The following COPG1 variants were observed in gnomAD, a reference collection of about 807,000 sequenced individuals.
COPG1 encodes coat protein complex I subunit gamma 1.
A neutral mutation model predicts 102.8 loss-of-function variants in COPG1; 29 were observed. The ratio of observed to expected loss-of-function variants is 0.28; its 90% CI spans 0.21 to 0.38. COPG1 has a LOEUF of 0.38. COPG1 is among the 10% of genes least tolerant of loss of function. The pLI, the probability that COPG1 is intolerant of heterozygous loss-of-function variation, is 1.00. For synonymous variants in COPG1, 406 were observed against 421.6 expected (o/e 0.96, Z 0.45); for missense variants, 875 against 1,132.7 (o/e 0.77, Z 3.27).
At chr3:129,249,814 C>CT (rs1411667154) in intron 1 of COPG1, 68 bp downstream of exon 1, 1 of 1,507,504 alleles carries the variant, frequency 6.6e-7, no homozygotes, top group East Asian at 2.5e-5. Flanking sequence ...TTCTGGTTCT[C>CT]TGTCCTGACC....
At chr3:129,254,881 A>T (rs912542615) in intron 6 of COPG1, 104 bp from the exon 7 acceptor site, 64 of 1,191,764 alleles carry the variant, frequency 5.4e-5, no homozygotes, top group Non-Finnish European at 7.2e-5. Context: ...CACATGAGAA[A>T]CGCTTACTTC....
intron 10 of COPG1, among the ~76,000 whole-genome samples, chr3:129,259,604 A>C (rs1939884351): frequency 6.6e-6 from 1 of 152,168 alleles, no homozygotes; most frequent in African/African-American, 2.4e-5. Flanking sequence ...AATAAGCATT[A>C]AGAAAAATTT....
At chr3:129,272,958 C>G (rs1251287023) in intron 21 of COPG1, 54 bp downstream of exon 21, 1 of 999,676 alleles carries the variant, frequency 1.0e-6, no homozygotes, top group African/African-American at 1.6e-5. Flanking sequence ...CAAAGCAACT[C>G]CCTTCAGGAA....
intron 1 of COPG1, 117 bp downstream of exon 1, chr3:129,249,863 A>G (rs1451057336): frequency 3.6e-6 from 4 of 1,108,188 alleles, no homozygotes; most frequent in Non-Finnish European, 3.9e-6. Context: ...GGCTTGTGCC[A>G]GGGTCCACAG....
In COPG1 at chr3:129,258,735, C is replaced by T. The variant is rs559834172; in HGVS notation, c.871+875C>T. On this transcript the variant is annotated intron_variant, in intron 10 of 23. Coordinates refer to ENST00000314797, the MANE Select transcript of COPG1 (RefSeq NM_016128.4). ...CCTCCCAAAGTGCTGGGATTACAGGCGTGAGCCACTGCGCCCAGCCGTTGT... is the reference window on the plus strand; with the variant it reads ...CCTCCCAAAGTGCTGGGATTACAGGTGTGAGCCACTGCGCCCAGCCGTTGT... Among the ~76,000 whole-genome samples, 9 of 152,284 alleles carry T rather than the reference C, an allele frequency of 5.9e-5. No homozygotes were observed. The South Asian group carries it at 1.5e-3, about 25-fold the overall frequency.
intron 13 of COPG1, 141 bp from the exon 14 acceptor site, chr3:129,265,408 G>A: frequency 1.9e-6 from 2 of 1,027,786 alleles, no homozygotes; most frequent in Non-Finnish European, 1.4e-6. Context: ...TTGTTTGACA[G>A]GAAAGAGTGA....
intron 20 of COPG1, 47 bp downstream of exon 20, chr3:129,272,462 G>A: frequency 6.5e-7 from 1 of 1,530,982 alleles, no homozygotes; most frequent in South Asian, 1.2e-5. Context: ...GAGCTCATGG[G>A]GTCAGGAGGA....
Position 129,265,738 on chromosome 3 carries a change from T to C in COPG1, c.1414T>C (p.Tyr472His). The change falls in exon 14 of 24, where the codon TAC (tyrosine) becomes CAC (histidine). Residue 472 changes from tyrosine to histidine, a missense_variant. By Grantham distance (83) the Tyr-to-His change is moderately conservative. Coordinates refer to ENST00000314797, the MANE Select transcript of COPG1 (RefSeq NM_016128.4). ...EGPKTTNPSK[Y>H]IRFIYNRVVL... Reference sequence around the variant, plus strand: ...GCCCAAGACCACCAATCCCTCAAAGTACATCCGCTTCATCTATAACCGAGT... The same window carrying C: ...GCCCAAGACCACCAATCCCTCAAAGCACATCCGCTTCATCTATAACCGAGT... The C allele has an allele frequency of 6.2e-7, 1 of 1,614,076 alleles. No homozygotes were observed.
At chr3:129,268,141 G>T in intron 16 of COPG1, 101 bp downstream of exon 16, 1 of 1,010,514 alleles carries the variant, frequency 9.9e-7, no homozygotes, top group Non-Finnish European at 1.5e-6. Flanking sequence ...GCTCTTGGCT[G>T]GACTTGCCTG....
Position 129,267,955 on chromosome 3 carries a change from CAATG to C in COPG1, c.1566_1569del (p.Asn522LysfsTer2). The C allele has an allele frequency of 6.2e-7, 1 of 1,613,984 alleles. No homozygotes were observed. Among genetic ancestry groups the C allele is most frequent in the Non-Finnish European group, 8.5e-7 (1 of 1,179,948 alleles). Reference sequence around the variant, plus strand: ...GCTGCAGGTGTGTGATGGATGATGACAATGAAGTAAGGGACCGAGCCACCTTCTA... The same window carrying C: ...GCTGCAGGTGTGTGATGGATGATGACAAGTAAGGGACCGAGCCACCTTCTA... On this transcript the variant is annotated frameshift_variant, in exon 16 of 24. Transcript: ENST00000314797. LOFTEE classifies it high-confidence loss of function.
chr3:129,267,204 T>C lies in COPG1; in HGVS notation c.1544+105T>C, dbSNP rs1940078813. On this transcript the variant is annotated intron_variant, in intron 15 of 23. Coordinates refer to ENST00000314797, the MANE Select transcript of COPG1 (RefSeq NM_016128.4). ...TAACTGAAAAGGGAGAGAAAAGTTA[T>C]ACAGCTACTGATTGTAGAAAAAAAA... is the stretch of plus-strand genomic sequence containing the variant. 10 of 788,304 alleles carry C rather than the reference T, an allele frequency of 1.3e-5. No individual in the cohort carries two copies. The South Asian group carries it at 1.5e-4, about 11-fold the overall frequency. 48.8% of individuals were successfully genotyped at this position (788,304 alleles called of 1,614,324 possible). A position where few individuals can be genotyped will look rare whatever the true frequency, so the allele number is the denominator to read the frequency against.
At chr3:129,253,987 C>T (rs528541584) in intron 5 of COPG1, among the ~76,000 whole-genome samples, 1 of 139,040 alleles carries the variant, frequency 7.2e-6, no homozygotes, top group South Asian at 2.2e-4. Context: ...GGTGACAGAA[C>T]GAGACTGCGT....
In COPG1 at chr3:129,277,422, T is replaced by G; in HGVS notation, c.2623T>G (p.Ter875GluextTer38). 3.1e-6 allele frequency: 5 copies of G among 1,613,654 alleles called. No individual in the cohort carries two copies. Among genetic ancestry groups the G allele is most frequent in the Non-Finnish European group, 4.2e-6 (5 of 1,179,784 alleles). Residue 875 changes from the stop codon to glutamate, a stop_lost, in exon 24 of 24, where the codon TAA becomes GAA. Transcript: ENST00000314797. ...AGACATCATCTTGGCATCTGTGGGA[T>G]AAGAGGCCAGCCTGCATAGGACCTC... ...PVDIILASVG[*>E]
At chr3:129,257,920 G>T in intron 10 of COPG1, 60 bp downstream of exon 10, 1 of 1,586,912 alleles carries the variant, frequency 6.3e-7, no homozygotes, top group Non-Finnish European at 8.6e-7. Context: ...ACTAGGCCTG[G>T]GTTCCCGGGC....
chr3:129,275,085 C>A lies in COPG1; in HGVS notation c.2395+109C>A. 1 of 1,496,346 alleles carries A rather than the reference C, an allele frequency of 6.7e-7. No individual in the cohort carries two copies. Among genetic ancestry groups the A allele is most frequent in the Non-Finnish European group, 9.3e-7 (1 of 1,079,984 alleles). 92.7% of individuals were successfully genotyped at this position (1,496,346 alleles called of 1,614,324 possible). A position where few individuals can be genotyped will look rare whatever the true frequency, so the allele number is the denominator to read the frequency against. Reference sequence around the variant, plus strand: ...CAAGGATCCAGGGCCATGTCTGGAGCACATATGTCAAATGCCACTTCATTA... The same window carrying A: ...CAAGGATCCAGGGCCATGTCTGGAGAACATATGTCAAATGCCACTTCATTA... On this transcript the variant is annotated intron_variant, in intron 22 of 23. Coordinates refer to ENST00000314797, the MANE Select transcript of COPG1 (RefSeq NM_016128.4). The surrounding 1 kb of genome is among the most constrained non-coding windows in gnomAD (Gnocchi z 5.0).
Position 129,275,072 on chromosome 3 carries a change from G to T in COPG1, c.2395+96G>T, listed in dbSNP as rs1416521167. The T allele has an allele frequency of 6.6e-7, 1 of 1,515,456 alleles. No homozygotes were observed. The highest frequency in any genetic ancestry group is 1.4e-5 in the African/African-American group (1 of 73,022). The allele number at this position is 1,515,456 out of a possible 1,614,324, so 93.9% of individuals were successfully genotyped here. A position where few individuals can be genotyped will look rare whatever the true frequency, so the allele number is the denominator to read the frequency against. On this transcript the variant is annotated intron_variant, in intron 22 of 23. Coordinates refer to ENST00000314797, the MANE Select transcript of COPG1 (RefSeq NM_016128.4). This position sits in a 1 kb window ranked among gnomAD's most constrained non-coding sequence, Gnocchi z 5.0. ...TCCCTTTTCTCTCCAAGGATCCAGG[G>T]CCATGTCTGGAGCACATATGTCAAA...
In COPG1 at chr3:129,257,766, G is replaced by A. The variant is rs1444614255; in HGVS notation, c.777G>A (p.Leu259=). ...TGTTTGACTTCATCGAGAGCTGCTT[G>A]CGCAACAAGCACGAGATGGTGGTGT... The part of the protein sequence containing the change: ...SPLFDFIESC[L]RNKHEMVVYE... The change falls in exon 10 of 24, where the codon TTG becomes TTA. Residue 259 remains leucine (L), a synonymous_variant. Transcript: ENST00000314797. 3 of 1,614,158 alleles carry A rather than the reference G, an allele frequency of 1.9e-6. No homozygotes were observed. The highest frequency in any genetic ancestry group is 1.3e-5 in the African/African-American group (1 of 75,036).
At chr3:129,269,724 T>C (rs1345135311) in intron 18 of COPG1, among the ~76,000 whole-genome samples, 3 of 152,150 alleles carry the variant, frequency 2.0e-5, no homozygotes, top group African/African-American at 7.2e-5. Context: ...TATATCAATA[T>C]AGCATGGATC....
intron 7 of COPG1, 147 bp downstream of exon 7, chr3:129,255,224 G>A (rs915664378): frequency 3.0e-5 from 18 of 607,952 alleles, no homozygotes; most frequent in Non-Finnish European, 4.9e-5. Context: ...TGTCACCCAG[G>A]CTAGAGTGCA....
Sources: gnomAD v4.1 joint callset for allele counts (sites outside exome capture counted in the v4.1 genomes callset) on GRCh38, gnomAD v4.1.1 for gene constraint, Gnocchi (gnomAD v3.1) non-coding constraint, MANE v1.5 for transcripts, NCBI Gene and HGNC (gene_info 2026-07-23, HGNC 2026-07-21) for gene names.